Variants in MAP3K13 observed in about 807,000 individuals in gnomAD.
The protein encoded by MAP3K13 is mitogen-activated protein kinase kinase kinase 13.
A neutral mutation model predicts 104.0 loss-of-function variants in MAP3K13; 52 were observed. That is an observed-to-expected ratio of 0.50 (90% CI 0.40 to 0.63). The LOEUF (loss-of-function observed/expected upper bound fraction) is 0.63, where lower values mean the gene tolerates loss of function less well. Among genes scored for constraint, MAP3K13 ranks in the 20% least tolerant of loss-of-function variants. The pLI is 0.00. For missense variants in MAP3K13, 914 were observed against 1,218.5 expected, an observed-to-expected ratio of 0.75 and a Z score of 3.72; for synonymous variants, 394 against 442.2, an observed-to-expected ratio of 0.89 and a Z score of 1.37.
At position 185,390,920 on chromosome 3, in the gene MAP3K13, C is replaced by T. The variant is rs549617343; in HGVS notation, c.-86+27552C>T. On this transcript the variant is annotated intron_variant, in intron 1 of 13. Transcript: ENST00000265026. ...ACAGGCGTGAGCCACTGCGCTGGGC[C>T]GATATTTTCCTTTCTTATACCTGCA... Among the ~76,000 whole-genome samples, 4 of 152,196 alleles carry T rather than the reference C, an allele frequency of 2.6e-5. No homozygotes were observed. In the South Asian group the frequency reaches 8.3e-4, roughly 32 times the overall value.
chr3:185,382,309 CAATATCTTACTCATCAA>C (rs1170274819), intron 1 of MAP3K13, among the ~76,000 whole-genome samples: 2 of 152,016 alleles, frequency 1.3e-5, no homozygotes, highest in East Asian at 3.8e-4. Context: ...GTTACTTATC[CAATATCTTACTCATCAA>C]AATATCTTAC....
chr3:185,467,318 T>G (rs1717500367), intron 10 of MAP3K13, among the ~76,000 whole-genome samples: 1 of 152,218 alleles, frequency 6.6e-6, no homozygotes, highest in Non-Finnish European at 1.5e-5. Flanking sequence ...CACATGAGAT[T>G]TCTTTTTATT....
chr3:185,458,961 T>C (rs1296504202), intron 7 of MAP3K13, among the ~76,000 whole-genome samples: 1 of 152,228 alleles, frequency 6.6e-6, no homozygotes, highest in African/African-American at 2.4e-5. Flanking sequence ...TTACTGTTCC[T>C]GGTATTCAAT....
intron 7 of MAP3K13, among the ~76,000 whole-genome samples, chr3:185,451,862 C>T (rs1199684643): frequency 5.7e-5 from 8 of 140,246 alleles, no homozygotes; most frequent in African/African-American, 8.0e-5. Context: ...AGCAAAACAC[C>T]GCCTCAAAAA....
At chr3:185,415,484 G>C (rs1713700047) in intron 1 of MAP3K13, among the ~76,000 whole-genome samples, 2 of 150,860 alleles carry the variant, frequency 1.3e-5, no homozygotes, top group Admixed American at 1.3e-4. Flanking sequence ...TATGTTTAAA[G>C]CATAAGCAAT....
intron 2 of MAP3K13, chr3:185,291,731 T>G: frequency 6.6e-7 from 1 of 1,508,482 alleles, no homozygotes; most frequent in South Asian, 1.3e-5. Flanking sequence ...TCATCTGCAT[T>G]AAAGCTCTCC....
chr3:185,384,577 C>A (rs1215916896), intron 1 of MAP3K13, among the ~76,000 whole-genome samples: 4 of 152,012 alleles, frequency 2.6e-5, no homozygotes, highest in African/African-American at 7.2e-5. Flanking sequence ...ATTGATGTTC[C>A]CACCAACAGT....
intron 1 of MAP3K13, among the ~76,000 whole-genome samples, chr3:185,285,105 T>C (rs991916738): frequency 4.6e-5 from 7 of 152,148 alleles, no homozygotes; most frequent in Non-Finnish European, 8.8e-5. Context: ...ATCTAAGATG[T>C]TCTTAAAATA....
intron 5 of MAP3K13, 74 bp from the exon 6 acceptor site, chr3:185,449,826 C>A (rs1436076644): frequency 3.8e-6 from 5 of 1,322,494 alleles, no homozygotes; most frequent in South Asian, 1.7e-5. Flanking sequence ...AATTTGATTT[C>A]AATTAATAGA....
At chr3:185,365,961 C>CTTCT (rs1485289605) in intron 1 of MAP3K13, among the ~76,000 whole-genome samples, 1 of 131,154 alleles carries the variant, frequency 7.6e-6, no homozygotes, top group Admixed American at 7.9e-5. Context: ...CCCTTCCTTC[C>CTTCT]TTCCTTTCTT....
At chr3:185,417,944 G>A in intron 1 of MAP3K13, 1 of 1,606,148 alleles carries the variant, frequency 6.2e-7, no homozygotes, top group African/African-American at 1.3e-5. Flanking sequence ...TGCATGGGAA[G>A]ATTGTAGTTA....
intron 1 of MAP3K13, among the ~76,000 whole-genome samples, chr3:185,412,128 T>G (rs1006306997): frequency 1.3e-5 from 2 of 152,166 alleles, no homozygotes; most frequent in African/African-American, 4.8e-5. Flanking sequence ...AACCTTTGTA[T>G]TGAGGGACTA....
intron 9 of MAP3K13, 39 bp downstream of exon 9, chr3:185,465,902 G>A: frequency 7.0e-7 from 1 of 1,428,434 alleles, no homozygotes; most frequent in Non-Finnish European, 9.9e-7. Flanking sequence ...ACTGATTTGA[G>A]TCTGTCAATC....
At chr3:185,316,371 T>C (rs1056253903) in intron 2 of MAP3K13, among the ~76,000 whole-genome samples, 2 of 152,156 alleles carry the variant, frequency 1.3e-5, no homozygotes, top group African/African-American at 4.8e-5. Context: ...CTGGGTGGGG[T>C]GGCTCACACC....
intron 7 of MAP3K13, among the ~76,000 whole-genome samples, chr3:185,456,891 G>A (rs1024670219): frequency 1.3e-4 from 20 of 152,232 alleles, no homozygotes; most frequent in Admixed American, 3.9e-4. Context: ...GTGAGCCACC[G>A]TGCACAGCCA....
At position 185,473,612 on chromosome 3, in the gene MAP3K13, C is replaced by G. The variant is rs1445413116; in HGVS notation, c.2281C>G (p.Pro761Ala). Residue 761 changes from proline (P) to alanine (A), a missense_variant, in exon 11 of 14, where the codon CCA becomes GCA. By Grantham distance (27) the Pro-to-Ala change is conservative (BLOSUM62 -1). Coordinates refer to ENST00000265026, the MANE Select transcript of MAP3K13 (RefSeq NM_004721.5). The surrounding 1 kb of genome is among the most constrained non-coding windows in gnomAD (Gnocchi z 4.9). ...VGRSPDLSKS[P>A]AHNPLLENAQ... Reference sequence around the variant, plus strand: ...GAGGAGCCCTGACCTTTCCAAGTCACCAGCACATAATCCTCTCTTGGAAAA... The same window carrying G: ...GAGGAGCCCTGACCTTTCCAAGTCAGCAGCACATAATCCTCTCTTGGAAAA... 1 of 1,614,192 alleles carries G rather than the reference C, an allele frequency of 6.2e-7. No individual in the cohort carries two copies. The highest frequency in any genetic ancestry group is 1.1e-5 in the South Asian group (1 of 91,090).
chr3:185,475,258 A>G (rs1718051883), intron 11 of MAP3K13, among the ~76,000 whole-genome samples: 1 of 152,230 alleles, frequency 6.6e-6, no homozygotes, highest in Admixed American at 6.5e-5. Flanking sequence ...CCTGGAACGT[A>G]GCACTTTTCC....
intron 1 of MAP3K13, among the ~76,000 whole-genome samples, chr3:185,366,265 C>T (rs1723884319): frequency 6.6e-6 from 1 of 151,978 alleles, no homozygotes; most frequent in Non-Finnish European, 1.5e-5. Flanking sequence ...CATGTTGTAG[C>T]CTATATCAGT....
chr3:185,447,775 AT>A lies in MAP3K13; in HGVS notation c.852-11del. On this transcript the variant is annotated splice_polypyrimidine_tract_variant and intron_variant, in intron 4 of 13. Transcript: ENST00000265026. ...CTAATGATCCAGATGTTTTCTTTTT[AT>A]TTCTTTTTAAAGTGTTTTAGTGACC... 2 of 1,582,154 alleles carry A rather than the reference AT, an allele frequency of 1.3e-6. No individual in the cohort carries two copies. Among genetic ancestry groups the A allele is most frequent in the Non-Finnish European group, 1.7e-6 (2 of 1,166,670 alleles).
Sources: allele counts gnomAD v4.1 joint callset (sites outside exome capture counted in the v4.1 genomes callset), GRCh38; gene constraint gnomAD v4.1.1; non-coding constraint Gnocchi (gnomAD v3.1); transcripts MANE v1.5; gene names NCBI Gene and HGNC (gene_info 2026-07-23, HGNC 2026-07-21).